The following FIBCD1 variants were observed in gnomAD, a reference collection of about 807,000 sequenced individuals.
FIBCD1 encodes fibrinogen C domain containing 1.
FIBCD1 carries 47 observed loss-of-function variants against 45.1 expected under a neutral mutation model. The ratio of observed to expected loss-of-function variants is 1.04; its 90% CI spans 0.82 to 1.33. FIBCD1 has a LOEUF of 1.33. Among genes scored for constraint, FIBCD1 ranks in the 40% most tolerant of loss-of-function variants. FIBCD1 has a pLI of 0.00. For missense variants in FIBCD1, 653 were observed against 682.2 expected, an observed-to-expected ratio of 0.96 and a Z score of 0.48; for synonymous variants, 313 against 308.1, an observed-to-expected ratio of 1.02 and a Z score of -0.17.
chr9:130,911,942 A>T, intron 4 of FIBCD1, 54 bp from the exon 5 acceptor site: 1 of 1,498,902 alleles, frequency 6.7e-7, no homozygotes, highest in Non-Finnish European at 9.1e-7. Flanking sequence ...CAGGACTCGC[A>T]GCCCACCTGG....
At chr9:130,925,100 G>A (rs989244357) in intron 2 of FIBCD1, among the ~76,000 whole-genome samples, 3 of 152,098 alleles carry the variant, frequency 2.0e-5, no homozygotes, top group Non-Finnish European at 4.4e-5. Flanking sequence ...TCAGGCTTCT[G>A]GACCAACAAG....
In FIBCD1 at chr9:130,926,383, G is replaced by A. The variant is rs986940394; in HGVS notation, c.553-1987C>T. On this transcript the variant is annotated intron_variant, in intron 2 of 6. Coordinates refer to ENST00000372338, the MANE Select transcript of FIBCD1 (RefSeq NM_032843.5). This position sits in a 1 kb window ranked among gnomAD's most constrained non-coding sequence, Gnocchi z 4.1. ...ATGGGGAAGTGAGTCCCTGCTTGCCGAGCTGCAGAGGCGCATCAGGGGAGG... is the reference window on the plus strand; with the variant it reads ...ATGGGGAAGTGAGTCCCTGCTTGCCAAGCTGCAGAGGCGCATCAGGGGAGG... 2.0e-5 allele frequency among the ~76,000 whole-genome samples: 3 copies of A among 152,222 alleles called. No homozygotes were observed. Among genetic ancestry groups the A allele is most frequent in the Admixed American group, 2.0e-4 (3 of 15,282 alleles).
At position 130,904,031 on chromosome 9, in the gene FIBCD1, G is replaced by A. The variant is rs779340662; in HGVS notation, c.*33C>T. On this transcript the variant is annotated 3_prime_UTR_variant, in exon 7 of 7. Coordinates refer to ENST00000372338, the MANE Select transcript of FIBCD1 (RefSeq NM_032843.5). ...GGTGGGGTCGGGGATGGGGCGACAGGGACCAGCAGGGCCAAGGACAAGGTG... is the reference window on the plus strand; with the variant it reads ...GGTGGGGTCGGGGATGGGGCGACAGAGACCAGCAGGGCCAAGGACAAGGTG... 7 of 1,607,470 alleles carry A rather than the reference G, an allele frequency of 4.4e-6. No individual in the cohort carries two copies. In the African/African-American group the frequency reaches 9.4e-5, roughly 21 times the overall value.
At chr9:130,933,288 T>C (rs1270084837) in intron 1 of FIBCD1, among the ~76,000 whole-genome samples, 1 of 152,192 alleles carries the variant, frequency 6.6e-6, no homozygotes, top group African/African-American at 2.4e-5. Context: ...CTCTGGGCGC[T>C]GAGCAGCCCA....
At chr9:130,929,266 G>C (rs184072827) in intron 2 of FIBCD1, among the ~76,000 whole-genome samples, 1 of 152,300 alleles carries the variant, frequency 6.6e-6, no homozygotes, top group African/African-American at 2.4e-5. Context: ...TGGAGCACTG[G>C]GGAAGCCCCA....
intron 2 of FIBCD1, among the ~76,000 whole-genome samples, chr9:130,928,096 C>T (rs919876977): frequency 6.6e-6 from 1 of 152,216 alleles, no homozygotes; most frequent in Non-Finnish European, 1.5e-5. Context: ...GAGCACGGCT[C>T]GCTGCCTCTG....
Position 130,902,795 on chromosome 9 carries a change from C to A in FIBCD1, c.*1269G>T, listed in dbSNP as rs1213078616. 1 of 152,358 alleles carries A rather than the reference C, an allele frequency of 6.6e-6. No individual in the cohort carries two copies. Among genetic ancestry groups the A allele is most frequent in the East Asian group, 1.9e-4 (1 of 5,198 alleles). The allele number at this position is 152,358 out of a possible 1,614,324, so 9.4% of individuals were successfully genotyped here. A position where few individuals can be genotyped will look rare whatever the true frequency, so the allele number is the denominator to read the frequency against. On this transcript the variant is annotated 3_prime_UTR_variant, in exon 7 of 7. Transcript: ENST00000372338. ...CAGACAGCTGAGGACCCGGCTCCAG[C>A]CCTGCCCTTGTGGCTGCTGGTCCTG...
chr9:130,905,267 G>A lies in FIBCD1; in HGVS notation c.1093C>T (p.Pro365Ser), dbSNP rs1026866063. ...CCGGAATAGTCAGCCACGGTGAGCG[G>A]GTACCCGTCTTCCTCAGGGTCCACG... ...FSVDPEEDGY[P>S]LTVADYSGTA... Residue 365 changes from proline to serine, a missense_variant, in exon 6 of 7, where the codon CCG (proline) becomes TCG (serine). Physicochemically the swap from Pro to Ser is moderately conservative, Grantham distance 74 (BLOSUM62 -1). Transcript: ENST00000372338. The A allele has an allele frequency of 3.1e-6, 5 of 1,613,792 alleles. No individual in the cohort carries two copies. In the African/African-American group the frequency reaches 6.7e-5, roughly 22 times the overall value.
At chr9:130,924,152 G>A in intron 3 of FIBCD1, 85 bp downstream of exon 3, 1 of 1,447,498 alleles carries the variant, frequency 6.9e-7, no homozygotes, top group Non-Finnish European at 9.1e-7. Flanking sequence ...GGAGTCTCAT[G>A]GCTGGGGAAC....
chr9:130,906,713 G>A (rs1023329662), intron 5 of FIBCD1, among the ~76,000 whole-genome samples: 1 of 152,258 alleles, frequency 6.6e-6, no homozygotes, highest in African/African-American at 2.4e-5. Flanking sequence ...CAAAAGGGCA[G>A]GTGGGAGGTA....
Position 130,927,349 on chromosome 9 carries a change from C to T in FIBCD1, c.552+2218G>A, listed in dbSNP as rs144765813. On this transcript the variant is annotated intron_variant, in intron 2 of 6. Transcript: ENST00000372338. ...AATTTCTACTATAATAATAAGGAGA[C>T]GTTGATGGTGCAGACCATGAGTATC... Among the ~76,000 whole-genome samples, 994 of 152,240 alleles carry T rather than the reference C, an allele frequency of 6.5e-3. 6 individuals are homozygous for T. The highest frequency in any genetic ancestry group is 0.014 in the Middle Eastern group (4 of 294).
upstream of FIBCD1, among the ~76,000 whole-genome samples, chr9:130,940,323 G>A (rs974367772): frequency 6.6e-6 from 1 of 152,248 alleles, no homozygotes; most frequent in Non-Finnish European, 1.5e-5. Flanking sequence ...GTCCCCAGCC[G>A]CCTTTTCCTT....
At chr9:130,908,711 G>A (rs773399585) in intron 5 of FIBCD1, among the ~76,000 whole-genome samples, 18 of 152,356 alleles carry the variant, frequency 1.2e-4, no homozygotes, top group Non-Finnish European at 1.8e-4. Flanking sequence ...CATGGGAAGC[G>A]TGTAGCTGGG....
In FIBCD1 at chr9:130,922,076, C is replaced by A. The variant is rs1353733092; in HGVS notation, c.849+1668G>T. ...CAGGCTGCCTGCACCCCTGCCTCCC[C>A]CAAAAACTCCCCGCCAAGAGGCTTC... On this transcript the variant is annotated intron_variant, in intron 4 of 6. Coordinates refer to ENST00000372338, the MANE Select transcript of FIBCD1 (RefSeq NM_032843.5). The surrounding 1 kb of genome is among the most constrained non-coding windows in gnomAD (Gnocchi z 4.5). Among the ~76,000 whole-genome samples the A allele has an allele frequency of 6.6e-6, 1 of 152,206 alleles. No homozygotes were observed.
intron 1 of FIBCD1, among the ~76,000 whole-genome samples, chr9:130,935,729 T>C (rs1832508887): frequency 1.3e-5 from 2 of 152,188 alleles, no homozygotes; most frequent in African/African-American, 4.8e-5. Flanking sequence ...CCTTAGGCAC[T>C]TGTCTGCTGT....
At chr9:130,934,598 G>A (rs940094178) in intron 1 of FIBCD1, among the ~76,000 whole-genome samples, 7 of 152,196 alleles carry the variant, frequency 4.6e-5, no homozygotes, top group Non-Finnish European at 7.4e-5. Flanking sequence ...TTCTCCAGAT[G>A]TTTCCTATAA....
chr9:130,912,562 C>A (rs144393868), intron 4 of FIBCD1, among the ~76,000 whole-genome samples: 1 of 152,072 alleles, frequency 6.6e-6, no homozygotes. Context: ...TAAAAATTAG[C>A]CAGGCTTGGT....
chr9:130,917,008 G>T (rs1832172440), intron 4 of FIBCD1, among the ~76,000 whole-genome samples: 1 of 152,232 alleles, frequency 6.6e-6, no homozygotes, highest in Admixed American at 6.5e-5. Flanking sequence ...TGAGGCAGGA[G>T]AATCACTTGA....
intron 1 of FIBCD1, chr9:130,933,719 C>T (rs957300600): frequency 1.9e-3 from 3 of 1,582 alleles, no homozygotes; most frequent in Admixed American, 7.1e-3. Flanking sequence ...GGGGAAGCGG[C>T]GGGCGGGTGG....
Sources: gnomAD v4.1 joint callset for allele counts (sites outside exome capture counted in the v4.1 genomes callset) on GRCh38, gnomAD v4.1.1 for gene constraint, Gnocchi (gnomAD v3.1) non-coding constraint, MANE v1.5 for transcripts, NCBI Gene and HGNC (gene_info 2026-07-23, HGNC 2026-07-21) for gene names.